UIMC1: variants seen among roughly 807,000 people sequenced by gnomAD.
UIMC1 encodes the protein ubiquitin interaction motif containing 1.
A neutral mutation model predicts 84.9 loss-of-function variants in UIMC1; 42 were observed. That is an observed-to-expected ratio of 0.49 (90% CI 0.39 to 0.64). UIMC1 has a LOEUF of 0.64. UIMC1 is among the 30% of genes least tolerant of loss of function. The probability of loss-of-function intolerance (pLI) is 0.00; values close to 1 mark genes in which losing one functional copy is unlikely to be tolerated. For synonymous variants in UIMC1, 281 were observed against 293.0 expected (o/e 0.96, Z 0.42); for missense variants, 825 against 847.6 (o/e 0.97, Z 0.33).
intron 2 of UIMC1, among the ~76,000 whole-genome samples, chr5:176,981,623 C>T (rs1230156203): frequency 6.6e-6 from 1 of 151,776 alleles, no homozygotes; most frequent in Admixed American, 6.6e-5. Context: ...CATGGCGAAA[C>T]CCCATCTCTA....
upstream of UIMC1, among the ~76,000 whole-genome samples, chr5:177,010,667 G>A (rs1039935796): frequency 6.6e-6 from 1 of 151,962 alleles, no homozygotes; most frequent in African/African-American, 2.4e-5. Context: ...GATTACAGGC[G>A]TGTGCCACTG....
At chr5:176,995,524 AAG>A in intron 1 of UIMC1, among the ~76,000 whole-genome samples, 1 of 142,756 alleles carries the variant, frequency 7.0e-6, no homozygotes, top group African/African-American at 2.7e-5. Context: ...GTGACAGAGA[AAG>A]ACTCTGTCTC....
intron 1 of UIMC1, among the ~76,000 whole-genome samples, chr5:176,985,456 C>CAAAA (rs35535020): frequency 1.1e-5 from 1 of 88,526 alleles, no homozygotes; most frequent in Non-Finnish European, 2.6e-5. Flanking sequence ...AATTCTGTCT[C>CAAAA]AAAAAAAAAA....
chr5:176,935,062 A>AG (rs911862067), intron 10 of UIMC1, among the ~76,000 whole-genome samples: 2 of 152,216 alleles, frequency 1.3e-5, no homozygotes, highest in African/African-American at 4.8e-5. Flanking sequence ...ATATACCACA[A>AG]GGGGGGTAAA....
intron 10 of UIMC1, among the ~76,000 whole-genome samples, chr5:176,925,235 CAT>C (rs1361203350): frequency 6.6e-6 from 1 of 151,926 alleles, no homozygotes; most frequent in East Asian, 1.9e-4. Flanking sequence ...AGACAACAAT[CAT>C]GTGAAAAAAA....
At chr5:176,992,360 C>G (rs1561903625) in intron 1 of UIMC1, among the ~76,000 whole-genome samples, 1 of 151,666 alleles carries the variant, frequency 6.6e-6, no homozygotes, top group African/African-American at 2.4e-5. Context: ...AATAGTGGCA[C>G]ATGCCTGTAA....
intron 6 of UIMC1, among the ~76,000 whole-genome samples, chr5:176,966,896 A>G (rs2149480375): frequency 6.6e-6 from 1 of 152,358 alleles, no homozygotes; most frequent in East Asian, 1.9e-4. Flanking sequence ...TCTAACAGAC[A>G]GAAAAGGAAA....
intron 1 of UIMC1, among the ~76,000 whole-genome samples, chr5:177,000,950 A>T (rs1774358104): frequency 6.6e-6 from 1 of 152,028 alleles, no homozygotes; most frequent in African/African-American, 2.4e-5. Flanking sequence ...ATTTTCTCCT[A>T]TCCTGTGGGT....
chr5:176,972,396 G>A (rs1024160614), intron 3 of UIMC1, among the ~76,000 whole-genome samples: 3 of 145,082 alleles, frequency 2.1e-5, no homozygotes, highest in Non-Finnish European at 3.0e-5. Context: ...GTGAGACTCC[G>A]TCTCAAAAAA....
At chr5:176,942,881 C>A (rs1263270881) in intron 10 of UIMC1, among the ~76,000 whole-genome samples, 3 of 151,550 alleles carry the variant, frequency 2.0e-5, no homozygotes, top group Non-Finnish European at 2.9e-5. Flanking sequence ...ATGGCGAAAC[C>A]CTGTCTCTAC....
upstream of UIMC1, among the ~76,000 whole-genome samples, chr5:177,011,023 T>C (rs1486081481): frequency 6.6e-6 from 1 of 151,614 alleles, no homozygotes; most frequent in Non-Finnish European, 1.5e-5. Context: ...CAAAACCCCA[T>C]CTCTACAAAA....
At chr5:176,947,361 T>C (rs968254967) in intron 9 of UIMC1, among the ~76,000 whole-genome samples, 2 of 152,276 alleles carry the variant, frequency 1.3e-5, no homozygotes, top group Middle Eastern at 3.4e-3. Context: ...TATATATATA[T>C]ATTTTTTAAG....
intron 10 of UIMC1, among the ~76,000 whole-genome samples, chr5:176,939,721 C>A (rs540312175): frequency 1.3e-5 from 2 of 152,292 alleles, no homozygotes; most frequent in African/African-American, 4.8e-5. Flanking sequence ...GAACACATCC[C>A]CATCACTGAG....
chr5:176,950,123 C>T lies in UIMC1; in HGVS notation c.1443+1351G>A, dbSNP rs1456254943. The stretch of plus-strand genomic sequence containing the variant: ...TTCTTTTTTTTTTTTTTTTTTGAGA[C>T]GGAGTCTTGCTCTGTTGCCAGGCTG... On this transcript the variant is annotated intron_variant, in intron 9 of 14. Coordinates refer to ENST00000511320, the MANE Select transcript of UIMC1 (RefSeq NM_001199298.2). 3.8e-5 allele frequency among the ~76,000 whole-genome samples: 4 copies of T among 106,110 alleles called. No individual in the cohort carries two copies. In the South Asian group the frequency reaches 9.5e-4, roughly 25 times the overall value. 69.6% of individuals were successfully genotyped at this position (106,110 alleles called of 152,430 possible).
intron 1 of UIMC1, among the ~76,000 whole-genome samples, chr5:176,985,963 T>C (rs139320848): frequency 4.3e-4 from 65 of 152,214 alleles, no homozygotes; most frequent in African/African-American, 1.4e-3. Context: ...CAAGAATGTT[T>C]CCTTTCAGCT....
chr5:176,993,050 G>A (rs76486065), intron 1 of UIMC1, among the ~76,000 whole-genome samples: 14,881 of 151,756 alleles, frequency 0.098, 1,540 homozygotes, highest in African/African-American at 0.26. Flanking sequence ...GCTGGGCATG[G>A]TGGTGTGCAC....
intron 3 of UIMC1, among the ~76,000 whole-genome samples, chr5:176,972,824 T>C (rs1298766166): frequency 1.3e-5 from 2 of 150,992 alleles, no homozygotes; most frequent in Admixed American, 6.6e-5. Flanking sequence ...ATACCGACAA[T>C]AAAAGAGGAA....
rs1188814939 is a variant in UIMC1, at chr5:176,969,581, G to C, written c.463+20C>G. ...CAGTTATACTTGATGAATGGAAGGA[G>C]TCAGAACAGGGAGACATGCCTTCAG... On this transcript the variant is annotated intron_variant, in intron 5 of 14. Coordinates refer to ENST00000511320, the MANE Select transcript of UIMC1 (RefSeq NM_001199298.2). 5 of 1,607,766 alleles carry C rather than the reference G, an allele frequency of 3.1e-6. No homozygotes were observed. The highest frequency in any genetic ancestry group is 1.7e-5 in the Admixed American group (1 of 59,972).
intron 10 of UIMC1, among the ~76,000 whole-genome samples, chr5:176,932,108 T>C (rs1218427593): frequency 6.6e-6 from 1 of 152,198 alleles, no homozygotes; most frequent in Non-Finnish European, 1.5e-5. Context: ...AACACTGGTC[T>C]ACAAGTTCAT....
Sources: gnomAD v4.1 joint callset for allele counts (sites outside exome capture counted in the v4.1 genomes callset) on GRCh38, gnomAD v4.1.1 for gene constraint, MANE v1.5 for transcripts, NCBI Gene and HGNC (gene_info 2026-07-23, HGNC 2026-07-21) for gene names.